DNAJC1: variants seen among roughly 807,000 people sequenced by gnomAD.
The protein encoded by DNAJC1 is DnaJ heat shock protein family (Hsp40) member C1.
A neutral mutation model predicts 76.6 loss-of-function variants in DNAJC1; 58 were observed. The ratio of observed to expected loss-of-function variants is 0.76; its 90% confidence interval spans 0.61 to 0.94. The LOEUF is 0.94. Among genes scored for constraint, DNAJC1 ranks in the 40% least tolerant of loss-of-function variants. The probability of loss-of-function intolerance (pLI) is 0.00; values close to 1 mark genes in which losing one functional copy is unlikely to be tolerated. For missense variants in DNAJC1, 689 were observed against 677.3 expected, an observed-to-expected ratio of 1.02 and a Z score of -0.19; for synonymous variants, 258 against 267.9, an observed-to-expected ratio of 0.96 and a Z score of 0.36.
chr10:21,844,421 T>C (rs573578728), intron 8 of DNAJC1, among the ~76,000 whole-genome samples: 32 of 152,136 alleles, frequency 2.1e-4, no homozygotes, highest in Admixed American at 7.2e-4. Flanking sequence ...CTTACTGTCA[T>C]TGGACAGTAC....
chr10:21,836,177 T>A (rs1439033401), intron 8 of DNAJC1, among the ~76,000 whole-genome samples: 1 of 152,212 alleles, frequency 6.6e-6, no homozygotes, highest in Non-Finnish European at 1.5e-5. Flanking sequence ...ATATTCGACA[T>A]TCTTAAAGAA....
intron 8 of DNAJC1, among the ~76,000 whole-genome samples, chr10:21,861,412 A>G (rs1835915328): frequency 6.6e-6 from 1 of 152,158 alleles, no homozygotes; most frequent in African/African-American, 2.4e-5. Flanking sequence ...TATTAATATT[A>G]TATATAAATG....
In DNAJC1 at chr10:21,934,525, C is replaced by T. The variant is rs201294683; in HGVS notation, c.223-5384G>A. 2.0e-4 allele frequency among the ~76,000 whole-genome samples: 30 copies of T among 152,186 alleles called. No homozygotes were observed. In the East Asian group the frequency reaches 2.3e-3, roughly 12 times the overall value. On this transcript the variant is annotated intron_variant, in intron 1 of 11. Transcript: ENST00000376980. ...ACTCACCCAGAGCAACTTCCACTCCCGCAAGATGTATTCATAGTAAATACC... is the reference window on the plus strand; with the variant it reads ...ACTCACCCAGAGCAACTTCCACTCCTGCAAGATGTATTCATAGTAAATACC...
At chr10:21,896,218 C>T (rs1231978761) in intron 7 of DNAJC1, among the ~76,000 whole-genome samples, 1 of 152,154 alleles carries the variant, frequency 6.6e-6, no homozygotes, top group African/African-American at 2.4e-5. Context: ...GCAACTTCAG[C>T]CTGGGAGAGC....
rs1194488537 is a variant in DNAJC1, at chr10:22,003,346, G to A, written c.89C>T (p.Pro30Leu). 4 of 1,438,728 alleles carry A rather than the reference G, an allele frequency of 2.8e-6. No homozygotes were observed. In the Admixed American group the frequency reaches 9.7e-5, roughly 35 times the overall value. The allele number at this position is 1,438,728 out of a possible 1,614,324, so 89.1% of individuals were successfully genotyped here. A position where few individuals can be genotyped will look rare whatever the true frequency, so the allele number is the denominator to read the frequency against. Residue 30 changes from proline (P) to leucine (L), a missense_variant, in exon 1 of 12, where the codon CCG becomes CTG. By Grantham distance (98) the Pro-to-Leu change is moderately conservative. Coordinates refer to ENST00000376980, the MANE Select transcript of DNAJC1 (RefSeq NM_022365.4). ...CAGCAGCAGCAGCAGCCACAGCAGC[G>A]GCGTCCGCGGCGGCGGCGGCGGGAA... ...VPFPPPPPRT[P>L]LLWLLLLLLA...
chr10:21,837,595 C>A lies in DNAJC1; in HGVS notation c.979-31496G>T, dbSNP rs527547188. Among the ~76,000 whole-genome samples, 4 of 151,482 alleles carry A rather than the reference C, an allele frequency of 2.6e-5. No homozygotes were observed. The East Asian group carries it at 7.8e-4, about 30-fold the overall frequency. ...ATGGGAGGTGAGGAGCCTCTCTGCCCGGCCGCCCCATCTGAGAAGTGAGGA... is the reference window on the plus strand; with the variant it reads ...ATGGGAGGTGAGGAGCCTCTCTGCCAGGCCGCCCCATCTGAGAAGTGAGGA... On this transcript the variant is annotated intron_variant, in intron 8 of 11. Transcript: ENST00000376980.
intron 9 of DNAJC1, among the ~76,000 whole-genome samples, chr10:21,786,463 T>TATATATAGAG (rs1332368009): frequency 4.3e-5 from 1 of 23,406 alleles, no homozygotes; most frequent in Non-Finnish European, 7.6e-5. Context: ...TATATATATA[T>TATATATAGAG]AGAGAGAGAG....
At chr10:21,835,531 G>C (rs1329386983) in intron 8 of DNAJC1, among the ~76,000 whole-genome samples, 1 of 152,182 alleles carries the variant, frequency 6.6e-6, no homozygotes. Flanking sequence ...ACTACTCCGA[G>C]CTAAAGGAGG....
At position 21,792,594 on chromosome 10, in the gene DNAJC1, T is replaced by C. The variant is rs144732178; in HGVS notation, c.1098+13386A>G. Reference sequence around the variant, plus strand: ...CAACATGGTGAAACCCTGTCTCTACTGAAAATACAAAAAAGTTAGCCAGGC... The same window carrying C: ...CAACATGGTGAAACCCTGTCTCTACCGAAAATACAAAAAAGTTAGCCAGGC... On this transcript the variant is annotated intron_variant, in intron 9 of 11. Transcript: ENST00000376980. 3.1e-3 allele frequency among the ~76,000 whole-genome samples: 469 copies of C among 151,890 alleles called. 21 individuals are homozygous for C. In the East Asian group the frequency reaches 0.086, roughly 28 times the overall value.
intron 8 of DNAJC1, among the ~76,000 whole-genome samples, chr10:21,845,083 G>A (rs1835634826): frequency 6.6e-6 from 1 of 152,110 alleles, no homozygotes; most frequent in South Asian, 2.1e-4. Flanking sequence ...TTTCCCTACG[G>A]TGGAGAGATT....
intron 7 of DNAJC1, among the ~76,000 whole-genome samples, chr10:21,903,519 TG>T: frequency 6.6e-6 from 1 of 152,360 alleles, no homozygotes; most frequent in Non-Finnish European, 1.5e-5. Context: ...CTTCTTGAGA[TG>T]GTGTTTTACA....
chr10:21,892,582 T>C (rs913223798), intron 7 of DNAJC1, among the ~76,000 whole-genome samples: 1 of 151,902 alleles, frequency 6.6e-6, no homozygotes, highest in African/African-American at 2.4e-5. Flanking sequence ...CACAAACATA[T>C]AAACACATGG....
intron 9 of DNAJC1, among the ~76,000 whole-genome samples, chr10:21,776,886 A>G (rs966309420): frequency 6.6e-6 from 1 of 152,236 alleles, no homozygotes; most frequent in Non-Finnish European, 1.5e-5. Context: ...ACCAGTGAAC[A>G]CCGTAACAAC....
chr10:21,946,647 G>A (rs1837510312), intron 1 of DNAJC1, among the ~76,000 whole-genome samples: 1 of 151,886 alleles, frequency 6.6e-6, no homozygotes, highest in South Asian at 2.1e-4. Flanking sequence ...GCAATGATAG[G>A]GCAATTTCAT....
chr10:21,886,833 G>C (rs1388632287), intron 7 of DNAJC1, among the ~76,000 whole-genome samples: 1 of 151,854 alleles, frequency 6.6e-6, no homozygotes, highest in Non-Finnish European at 1.5e-5. Context: ...ATTGGCACAA[G>C]ACAAGGATGC....
intron 9 of DNAJC1, among the ~76,000 whole-genome samples, chr10:21,784,906 G>T (rs894331580): frequency 6.6e-6 from 1 of 152,160 alleles, no homozygotes; most frequent in East Asian, 1.9e-4. Context: ...GTCATGGGGT[G>T]GGGGGCAGGG....
chr10:21,976,064 A>G (rs2131832855), intron 1 of DNAJC1, among the ~76,000 whole-genome samples: 1 of 152,368 alleles, frequency 6.6e-6, no homozygotes, highest in South Asian at 2.1e-4. Context: ...AAGCAGCTTT[A>G]TCTATATTAC....
At chr10:21,899,789 C>T (rs1836616967) in intron 7 of DNAJC1, among the ~76,000 whole-genome samples, 1 of 152,188 alleles carries the variant, frequency 6.6e-6, no homozygotes, top group Non-Finnish European at 1.5e-5. Flanking sequence ...GGGACCCTTC[C>T]TAGTCCAGAC....
intron 1 of DNAJC1, among the ~76,000 whole-genome samples, chr10:21,998,512 T>C (rs1838457880): frequency 6.6e-6 from 1 of 151,956 alleles, no homozygotes; most frequent in African/African-American, 2.4e-5. Context: ...TAATTTAAGA[T>C]GGTAACGAAA....
Sources: allele counts gnomAD v4.1 joint callset (sites outside exome capture counted in the v4.1 genomes callset), GRCh38; gene constraint gnomAD v4.1.1; transcripts MANE v1.5; gene names NCBI Gene and HGNC (gene_info 2026-07-23, HGNC 2026-07-21).